The following SLC48A1 variants were observed in gnomAD, a reference collection of about 807,000 sequenced individuals.
SLC48A1 encodes the protein heme transporter HRG1.
Under a neutral mutation model 14.8 loss-of-function variants are expected in SLC48A1, and 6 were observed. The ratio of observed to expected loss-of-function variants is 0.41; its 90% CI spans 0.22 to 0.80. The LOEUF (loss-of-function observed/expected upper bound fraction) is 0.80. Ranked by LOEUF, SLC48A1 falls within the 30% of genes least tolerant of loss-of-function variation. The probability of loss-of-function intolerance (pLI) is 0.34; values close to 1 mark genes in which losing one functional copy is unlikely to be tolerated. For missense variants in SLC48A1, 165 were observed against 204.8 expected (o/e 0.81, Z 1.19); for synonymous variants, 89 against 90.0 (o/e 0.99, Z 0.06).
intron 1 of SLC48A1, chr12:47,759,201 G>T (rs977968147): frequency 1.2e-5 from 8 of 689,776 alleles, no homozygotes; most frequent in Non-Finnish European, 1.4e-5. Flanking sequence ...TGCAAACAAG[G>T]AAACCGGGGA....
chr12:47,760,172 A>G (rs1421403812), intron 1 of SLC48A1: 13 of 981,394 alleles, frequency 1.3e-5, no homozygotes, highest in Non-Finnish European at 1.6e-5. Flanking sequence ...ATTCAATCCT[A>G]TTGGCATGAA....
intron 2 of SLC48A1, among the ~76,000 whole-genome samples, chr12:47,761,401 G>A (rs571154946): frequency 6.6e-6 from 1 of 152,172 alleles, no homozygotes; most frequent in Non-Finnish European, 1.5e-5. Flanking sequence ...ATTGAGAAGA[G>A]GACCTGGGGT....
At chr12:47,769,989 T>G (rs1425834203), upstream of SLC48A1, among the ~76,000 whole-genome samples, 1 of 152,198 alleles carries the variant, frequency 6.6e-6, no homozygotes, top group African/African-American at 2.4e-5. Flanking sequence ...GTGGCCACCA[T>G]TATGGAGGGT....
intron 2 of SLC48A1, among the ~76,000 whole-genome samples, chr12:47,764,849 C>T (rs1026284503): frequency 1.1e-4 from 16 of 152,010 alleles, no homozygotes; most frequent in South Asian, 2.1e-4. Context: ...GAGGCCAAGG[C>T]GGGTGGATCA....
At chr12:47,766,349 T>G (rs1167744597) in intron 2 of SLC48A1, among the ~76,000 whole-genome samples, 1 of 152,140 alleles carries the variant, frequency 6.6e-6, no homozygotes, top group African/African-American at 2.4e-5. Flanking sequence ...CTCCTCACAG[T>G]GCTGCAACCT....
At chr12:47,774,555 G>A (rs534607545) in intron 1 of SLC48A1, among the ~76,000 whole-genome samples, 11 of 152,200 alleles carry the variant, frequency 7.2e-5, no homozygotes, top group African/African-American at 9.6e-5. Flanking sequence ...TAAAATCCTC[G>A]GCCAAAAGAA....
At chr12:47,767,296 G>A (rs970498416), upstream of SLC48A1, among the ~76,000 whole-genome samples, 7 of 152,162 alleles carry the variant, frequency 4.6e-5, no homozygotes, top group Non-Finnish European at 8.8e-5. Flanking sequence ...CTGCAAAGCT[G>A]TCTGTTCAGG....
At chr12:47,763,800 G>T (rs1350563114) in intron 2 of SLC48A1, among the ~76,000 whole-genome samples, 1 of 152,246 alleles carries the variant, frequency 6.6e-6, no homozygotes, top group Non-Finnish European at 1.5e-5. Context: ...GCCAATGTGG[G>T]CAAGCTGGGG....
chr12:47,756,797 C>T (rs1311698259), upstream of SLC48A1, among the ~76,000 whole-genome samples: 1 of 151,956 alleles, frequency 6.6e-6, no homozygotes, highest in Non-Finnish European at 1.5e-5. Flanking sequence ...GGTGAAACCC[C>T]ATCTCTACTA....
At position 47,777,959 on chromosome 12, in the gene SLC48A1, C is replaced by A. The variant is rs922882836; in HGVS notation, c.137-1069C>A. ...ACTCTGAGTGGCATGTGTGCAGCTG[C>A]CTTTTGGAAAGGCCTCCTGACTCCT... On this transcript the variant is annotated intron_variant, in intron 1 of 2. Coordinates refer to ENST00000442218, the MANE Select transcript of SLC48A1 (RefSeq NM_017842.3). The surrounding 1 kb of genome is among the most constrained non-coding windows in gnomAD (Gnocchi z 4.5). Among the ~76,000 whole-genome samples the A allele has an allele frequency of 1.3e-5, 2 of 152,272 alleles. No individual in the cohort carries two copies. Among genetic ancestry groups the A allele is most frequent in the Admixed American group, 1.3e-4 (2 of 15,302 alleles).
At chr12:47,762,784 C>T (rs1942414860) in intron 2 of SLC48A1, among the ~76,000 whole-genome samples, 1 of 152,146 alleles carries the variant, frequency 6.6e-6, no homozygotes, top group Admixed American at 6.5e-5. Context: ...GCACTGCTAC[C>T]TCCTGCCCCG....
intron 2 of SLC48A1, 127 bp downstream of exon 2, chr12:47,779,322 C>T (rs1044648290): frequency 7.6e-6 from 10 of 1,312,740 alleles, no homozygotes; most frequent in Admixed American, 5.6e-5. Context: ...TCCCCGGACA[C>T]GGGTTTTGTT....
chr12:47,774,981 C>T (rs988232510), intron 1 of SLC48A1, among the ~76,000 whole-genome samples: 9 of 152,140 alleles, frequency 5.9e-5, no homozygotes, highest in African/African-American at 1.4e-4. Context: ...TTGCGAAGAC[C>T]GAAGGCAAGA....
intron 2 of SLC48A1, 43 bp downstream of exon 2, chr12:47,779,238 A>G (rs1343247584): frequency 6.6e-7 from 1 of 1,525,250 alleles, no homozygotes; most frequent in Non-Finnish European, 8.8e-7. Flanking sequence ...GAGGGACAGC[A>G]GCGGGGATTT....
chr12:47,759,159 T>G, intron 1 of SLC48A1: 1 of 940,954 alleles, frequency 1.1e-6, no homozygotes, highest in Non-Finnish European at 1.3e-6. Flanking sequence ...GGTGAGTGGC[T>G]GCACTGGCCG....
At chr12:47,775,976 G>C (rs529610251) in intron 1 of SLC48A1, among the ~76,000 whole-genome samples, 1 of 152,302 alleles carries the variant, frequency 6.6e-6, no homozygotes, top group East Asian at 1.9e-4. Context: ...TCTTGCTCTG[G>C]GTTTAGTAGA....
chr12:47,773,598 C>T (rs1309488361), intron 1 of SLC48A1, among the ~76,000 whole-genome samples, 158 bp downstream of exon 1: 1 of 151,918 alleles, frequency 6.6e-6, no homozygotes, highest in Non-Finnish European at 1.5e-5. Flanking sequence ...CCACGCGGGC[C>T]CGGGCTCCTG....
At chr12:47,779,975 T>C (rs1942831717) in intron 2 of SLC48A1, among the ~76,000 whole-genome samples, 170 bp from the exon 3 acceptor site, 1 of 152,236 alleles carries the variant, frequency 6.6e-6, no homozygotes, top group Non-Finnish European at 1.5e-5. Flanking sequence ...CCAAAAAGGT[T>C]GGGGACCATG....
At chr12:47,776,088 T>C (rs1179503540) in intron 1 of SLC48A1, among the ~76,000 whole-genome samples, 1 of 152,186 alleles carries the variant, frequency 6.6e-6, no homozygotes. Flanking sequence ...AGGACTGTCT[T>C]CCTCCTAGGA....
Sources: allele counts gnomAD v4.1 joint callset (sites outside exome capture counted in the v4.1 genomes callset), GRCh38; gene constraint gnomAD v4.1.1; non-coding constraint Gnocchi (gnomAD v3.1); transcripts MANE v1.5; gene names NCBI Gene and HGNC (gene_info 2026-07-23, HGNC 2026-07-21).